CDH13: variants seen among roughly 807,000 people sequenced by gnomAD.
The protein encoded by CDH13 is cadherin-13.
A neutral mutation model predicts 63.8 loss-of-function variants in CDH13; 24 were observed. The ratio of observed to expected loss-of-function variants is 0.38; its 90% CI spans 0.27 to 0.53. CDH13 has a LOEUF of 0.53. Ranked by LOEUF, CDH13 falls within the 20% of genes least tolerant of loss-of-function variation. The pLI is 0.85. For synonymous variants in CDH13, 503 were observed against 355.3 expected (o/e 1.42, Z -4.67); for missense variants, 1,049 against 903.1 (o/e 1.16, Z -2.07).
At chr16:83,540,528 G>A (rs1391014273) in intron 7 of CDH13, among the ~76,000 whole-genome samples, 1 of 152,204 alleles carries the variant, frequency 6.6e-6, no homozygotes, top group Non-Finnish European at 1.5e-5. Flanking sequence ...GAAGCAGGGA[G>A]CTCTCTTCTT....
chr16:83,418,850 G>T (rs1310425001), intron 6 of CDH13, among the ~76,000 whole-genome samples: 1 of 152,140 alleles, frequency 6.6e-6, no homozygotes, highest in Admixed American at 6.5e-5. Context: ...TTTTCTCTCT[G>T]TGAAGGTTGT....
chr16:83,596,333 G>A (rs1257181865), intron 7 of CDH13, among the ~76,000 whole-genome samples: 2 of 152,178 alleles, frequency 1.3e-5, no homozygotes, highest in African/African-American at 4.8e-5. Context: ...CTAGGAGTTC[G>A]GGGTTTACCC....
At chr16:83,311,374 C>G (rs961302926) in intron 5 of CDH13, among the ~76,000 whole-genome samples, 3 of 152,088 alleles carry the variant, frequency 2.0e-5, no homozygotes, top group Non-Finnish European at 2.9e-5. Flanking sequence ...TTTGTGTATA[C>G]CAGAGCCCAG....
chr16:83,529,185 C>G lies in CDH13; in HGVS notation c.960+42530C>G, dbSNP rs142364122. Among the ~76,000 whole-genome samples, 442 of 151,358 alleles carry G rather than the reference C, an allele frequency of 2.9e-3. 1 individual carries two copies. The highest frequency in any genetic ancestry group is 0.01 in the Middle Eastern group (3 of 294). ...TTGTTAGGCATCTCTGAAGTACAAG[C>G]AGTACATAGTATTTATGGTTGGAGG... On this transcript the variant is annotated intron_variant, in intron 7 of 13. Transcript: ENST00000567109.
intron 4 of CDH13, among the ~76,000 whole-genome samples, chr16:83,171,939 C>T (rs1180992975): frequency 6.6e-6 from 1 of 152,090 alleles, no homozygotes; most frequent in Non-Finnish European, 1.5e-5. Flanking sequence ...TGTCATCCTG[C>T]ATGGTGAGAT....
At chr16:83,061,479 A>G (rs2031545694) in intron 3 of CDH13, among the ~76,000 whole-genome samples, 1 of 152,214 alleles carries the variant, frequency 6.6e-6, no homozygotes, top group Non-Finnish European at 1.5e-5. Flanking sequence ...TGGCAGGTCC[A>G]GATACAGAAA....
intron 3 of CDH13, among the ~76,000 whole-genome samples, chr16:83,051,934 AT>A (rs145765152): frequency 4.6e-5 from 7 of 150,658 alleles, no homozygotes; most frequent in East Asian, 3.9e-4. Context: ...CAACCATTTA[AT>A]TTTTTTTTTG....
chr16:82,772,553 GA>G (rs138990821), intron 1 of CDH13, among the ~76,000 whole-genome samples: 11 of 152,200 alleles, frequency 7.2e-5, no homozygotes, highest in African/African-American at 2.2e-4. Context: ...ATGCTACGCA[GA>G]AAAAAACCTA....
intron 1 of CDH13, among the ~76,000 whole-genome samples, chr16:82,713,069 G>C (rs970488348): frequency 2.0e-5 from 3 of 151,994 alleles, no homozygotes; most frequent in African/African-American, 7.3e-5. Flanking sequence ...GTGTGTGTGT[G>C]TGTGTGTTTA....
chr16:82,965,612 A>G (rs530872214), intron 2 of CDH13, among the ~76,000 whole-genome samples: 2 of 152,194 alleles, frequency 1.3e-5, no homozygotes, highest in South Asian at 4.2e-4. Flanking sequence ...GCTCACTGCA[A>G]CCTCTACTTC....
At chr16:83,082,309 T>C (rs2033307456) in intron 3 of CDH13, among the ~76,000 whole-genome samples, 1 of 152,090 alleles carries the variant, frequency 6.6e-6, no homozygotes, top group African/African-American at 2.4e-5. Context: ...GCATCAATTG[T>C]CAAACAAGCT....
intron 2 of CDH13, among the ~76,000 whole-genome samples, chr16:83,008,655 T>A (rs548334404): frequency 6.6e-6 from 1 of 152,164 alleles, no homozygotes; most frequent in South Asian, 2.1e-4. Flanking sequence ...GGGAGATGGG[T>A]GGATGAGGGA....
intron 3 of CDH13, among the ~76,000 whole-genome samples, chr16:83,078,931 A>T (rs1007554209): frequency 6.6e-6 from 1 of 152,128 alleles, no homozygotes; most frequent in Non-Finnish European, 1.5e-5. Flanking sequence ...AGTAGCTGGG[A>T]TTACACGTGT....
chr16:83,515,379 C>T (rs1192249242), intron 7 of CDH13, among the ~76,000 whole-genome samples: 1 of 152,214 alleles, frequency 6.6e-6, no homozygotes, highest in African/African-American at 2.4e-5. Flanking sequence ...GTTTTATGCA[C>T]TCACGAAGAG....
At chr16:83,304,937 T>C (rs2089838629) in intron 5 of CDH13, among the ~76,000 whole-genome samples, 1 of 152,226 alleles carries the variant, frequency 6.6e-6, no homozygotes, top group Admixed American at 6.5e-5. Flanking sequence ...ATAGCAGAAC[T>C]TTCCCACTTT....
At chr16:83,173,963 T>C (rs9931992) in intron 4 of CDH13, among the ~76,000 whole-genome samples, 73,933 of 151,934 alleles carry the variant, frequency 0.49, 21,335 homozygotes, top group African/African-American at 0.8. Context: ...TCAAAGCCAG[T>C]ATCACACCAG....
chr16:82,640,965 T>C (rs1218285572), intron 1 of CDH13, among the ~76,000 whole-genome samples: 1 of 152,126 alleles, frequency 6.6e-6, no homozygotes, highest in Non-Finnish European at 1.5e-5. Context: ...GACACAGAAT[T>C]GGGTTCAGGG....
rs1375282157 is a variant in CDH13, at chr16:83,298,058, A to AAAAAG, written c.637-46800_637-46799insGAAAA. Among the ~76,000 whole-genome samples the AAAAAG allele has an allele frequency of 2.0e-5, 3 of 151,386 alleles. No homozygotes were observed. The South Asian group carries it at 6.3e-4, about 32-fold the overall frequency. The stretch of plus-strand genomic sequence containing the variant: ...AAACCTTGTTTCTACAAAAAAAAAA[A>AAAAAG]AAAAAGAAAAAGAAAAAGAAAAAAA... On this transcript the variant is annotated intron_variant, in intron 5 of 13. Transcript: ENST00000567109.
intron 1 of CDH13, among the ~76,000 whole-genome samples, chr16:82,658,157 A>T (rs1015190224): frequency 6.6e-6 from 1 of 152,192 alleles, no homozygotes; most frequent in South Asian, 2.1e-4. Flanking sequence ...ATCTATTGAT[A>T]TGTGCATGTG....
Sources: allele counts gnomAD v4.1 joint callset (sites outside exome capture counted in the v4.1 genomes callset), GRCh38; gene constraint gnomAD v4.1.1; transcripts MANE v1.5; gene names NCBI Gene and HGNC (gene_info 2026-07-23, HGNC 2026-07-21).